The following FRY variants were observed in gnomAD, a reference collection of about 807,000 sequenced individuals.
FRY encodes FRY microtubule binding protein, also known as protein furry homolog.
FRY carries 128 observed loss-of-function variants against 348.4 expected under a neutral mutation model. That is an observed-to-expected ratio of 0.37 (90% CI 0.32 to 0.43). FRY has a LOEUF of 0.43. Ranked by LOEUF, FRY falls within the 20% of genes least tolerant of loss-of-function variation. The pLI is 1.00. For synonymous variants in FRY, 1,370 were observed against 1,374.7 expected, an observed-to-expected ratio of 1.00 and a Z score of 0.08; for missense variants, 2,736 against 3,695.2, an observed-to-expected ratio of 0.74 and a Z score of 6.73.
At chr13:32,130,297 T>C (rs2138750096) in intron 7 of FRY, among the ~76,000 whole-genome samples, 1 of 152,190 alleles carries the variant, frequency 6.6e-6, no homozygotes, top group African/African-American at 2.4e-5. Context: ...CACTTCGGCC[T>C]CCCAAAGTGC....
At chr13:32,186,456 A>G (rs1883034609) in intron 27 of FRY, 36 bp downstream of exon 27, 1 of 1,309,240 alleles carries the variant, frequency 7.6e-7, no homozygotes. Flanking sequence ...ACTGAGTCAG[A>G]TGGATGGTCT....
intron 20 of FRY, 140 bp from the exon 21 acceptor site, chr13:32,178,037 G>C: frequency 1.2e-6 from 1 of 818,424 alleles, no homozygotes; most frequent in Admixed American, 2.0e-5. Context: ...GGTAGGTGCA[G>C]GATTGGTGTT....
chr13:32,184,541 A>C, intron 24 of FRY, 59 bp from the exon 25 acceptor site: 1 of 1,052,382 alleles, frequency 9.5e-7, no homozygotes. Flanking sequence ...CCATTTTCTA[A>C]AACAAAGTTA....
At chr13:32,107,722 A>G (rs1489080104) in intron 3 of FRY, among the ~76,000 whole-genome samples, 1 of 152,212 alleles carries the variant, frequency 6.6e-6, no homozygotes, top group Non-Finnish European at 1.5e-5. Flanking sequence ...AAGTAAGCTA[A>G]AGCGGGTGTG....
At chr13:32,274,559 C>A (rs1246685761) in intron 55 of FRY, among the ~76,000 whole-genome samples, 1 of 151,578 alleles carries the variant, frequency 6.6e-6, no homozygotes, top group African/African-American at 2.4e-5. Context: ...AAAAAATTAG[C>A]CAGGCGTGGT....
chr13:32,223,761 C>T (rs997002545), intron 36 of FRY, among the ~76,000 whole-genome samples: 8 of 152,192 alleles, frequency 5.3e-5, no homozygotes, highest in African/African-American at 1.9e-4. Flanking sequence ...CAGAGTCTCA[C>T]TCTGTCGCCC....
At chr13:32,226,379 T>A (rs1367854133) in intron 39 of FRY, among the ~76,000 whole-genome samples, 1 of 152,198 alleles carries the variant, frequency 6.6e-6, no homozygotes, top group African/African-American at 2.4e-5. Context: ...GTGTGCCTTC[T>A]AGTGCCCATG....
Position 32,267,165 on chromosome 13 carries a change from TC to T in FRY, c.7947-3del, listed in dbSNP as rs1418860180. 6.2e-7 allele frequency: 1 copy of T among 1,613,540 alleles called. No homozygotes were observed. Among genetic ancestry groups the T allele is most frequent in the Non-Finnish European group, 8.5e-7 (1 of 1,179,416 alleles). ...TCTTGACATAGTCGTTTTCATTTTT[TC>T]CAGCTTTGGAGAAGGTGACAGGGGA... On this transcript the variant is annotated splice_polypyrimidine_tract_variant and splice_region_variant and intron_variant, in intron 54 of 60. Coordinates refer to ENST00000542859, the MANE Select transcript of FRY (RefSeq NM_023037.3).
intron 2 of FRY, among the ~76,000 whole-genome samples, chr13:32,091,138 T>C (rs1227279166): frequency 6.6e-6 from 1 of 152,210 alleles, no homozygotes; most frequent in African/African-American, 2.4e-5. Flanking sequence ...AATAACTAAA[T>C]GGAATAAAAG....
At chr13:32,179,260 G>A (rs112920174) in intron 22 of FRY, among the ~76,000 whole-genome samples, 2,152 of 152,218 alleles carry the variant, frequency 0.014, 23 homozygotes, top group Non-Finnish European at 0.024. Context: ...ACCTGCTTAA[G>A]ACCATAGAGT....
intron 18 of FRY, 124 bp downstream of exon 18, chr13:32,171,394 C>A: frequency 1.3e-6 from 1 of 763,748 alleles, no homozygotes; most frequent in Non-Finnish European, 2.1e-6. Context: ...TCACTGCAAC[C>A]TCCACCTCCT....
chr13:32,118,760 A>T (rs1296514278), intron 4 of FRY, among the ~76,000 whole-genome samples: 1 of 152,176 alleles, frequency 6.6e-6, no homozygotes, highest in Non-Finnish European at 1.5e-5. Context: ...TCTCCTCATG[A>T]ATATTTTTTT....
In FRY at chr13:32,264,714, CT is replaced by C. The variant is rs1372974629; in HGVS notation, c.7780-735del. The stretch of plus-strand genomic sequence containing the variant: ...CCTGCCCTAGAGCCCTTTCATTGTC[CT>C]GCTCATTCCACATTTTGTAGTCAGG... On this transcript the variant is annotated intron_variant, in intron 53 of 60. Transcript: ENST00000542859. 5.0e-4 allele frequency among the ~76,000 whole-genome samples: 76 copies of C among 152,308 alleles called. 1 individual carries two copies. Among genetic ancestry groups the C allele is most frequent in the African/African-American group, 1.8e-3 (75 of 41,564 alleles).
chr13:32,213,277 C>T (rs1286320504), intron 35 of FRY, among the ~76,000 whole-genome samples: 2 of 152,178 alleles, frequency 1.3e-5, no homozygotes, highest in Non-Finnish European at 1.5e-5. Flanking sequence ...TAGGGGCTGG[C>T]GTGGAGATGA....
At chr13:32,040,236 T>C (rs1593552263) in intron 1 of FRY, among the ~76,000 whole-genome samples, 1 of 152,218 alleles carries the variant, frequency 6.6e-6, no homozygotes, top group East Asian at 1.9e-4. Flanking sequence ...ATGGTTTATT[T>C]TGTAAGTCAA....
rs1056739854 is a variant in FRY at position 32,170,619 on chromosome 13, C to T, written c.1893-393C>T. ...TGGCACGATCTTGGCTCACTGCAAC[C>T]TCAGCCTCCCAGGTTCATGCCATTC... On this transcript the variant is annotated intron_variant, in intron 17 of 60. Transcript: ENST00000542859. 2.0e-5 allele frequency among the ~76,000 whole-genome samples: 3 copies of T among 152,224 alleles called. No individual in the cohort carries two copies. The East Asian group carries it at 5.8e-4, about 29-fold the overall frequency.
intron 55 of FRY, 129 bp from the exon 56 acceptor site, chr13:32,274,703 CAAAAAAAAAA>C (rs397723164): frequency 2.3e-5 from 7 of 305,436 alleles, no homozygotes; most frequent in Admixed American, 1.7e-4. Flanking sequence ...GATTCTGTCT[CAAAAAAAAAA>C]AAAAAAAAAA....
At chr13:32,223,952 G>A (rs1404213582) in intron 36 of FRY, among the ~76,000 whole-genome samples, 2 of 151,936 alleles carry the variant, frequency 1.3e-5, no homozygotes, top group African/African-American at 2.4e-5. Context: ...GGCCAGGCTG[G>A]TTTTGAACTC....
intron 50 of FRY, among the ~76,000 whole-genome samples, chr13:32,252,573 C>G (rs1159959635): frequency 6.6e-6 from 1 of 151,950 alleles, no homozygotes; most frequent in Non-Finnish European, 1.5e-5. Context: ...GAAGTGTCTG[C>G]TAGTTTCACC....
Sources: allele counts gnomAD v4.1 joint callset (sites outside exome capture counted in the v4.1 genomes callset), GRCh38; gene constraint gnomAD v4.1.1; transcripts MANE v1.5; gene names NCBI Gene and HGNC (gene_info 2026-07-23, HGNC 2026-07-21).